The following MGAT5B variants were observed in gnomAD, a reference collection of about 807,000 sequenced individuals.
MGAT5B encodes N-acetylglucosaminyl-transferase Vb.
In MGAT5B, 54 loss-of-function variants were observed where a neutral mutation model predicts 95.1. That is an observed-to-expected ratio of 0.57 (90% CI 0.46 to 0.71). The LOEUF (loss-of-function observed/expected upper bound fraction) is 0.71. Ranked by LOEUF, MGAT5B falls within the 30% of genes least tolerant of loss-of-function variation. MGAT5B has a pLI of 0.00. For missense variants in MGAT5B, 935 were observed against 1,088.6 expected (o/e 0.86, Z 1.99); for synonymous variants, 464 against 451.0 (o/e 1.03, Z -0.36).
chr17:76,904,529 C>T, intron 6 of MGAT5B, 107 bp downstream of exon 6: 4 of 1,304,242 alleles, frequency 3.1e-6, no homozygotes, highest in Non-Finnish European at 3.1e-6. Context: ...GAGCTGCTTG[C>T]CAGGTGTGTG....
chr17:76,922,961 A>G (rs1470103558), intron 8 of MGAT5B, among the ~76,000 whole-genome samples: 1 of 152,152 alleles, frequency 6.6e-6, no homozygotes, highest in African/African-American at 2.4e-5. Flanking sequence ...GCCCAGAGAA[A>G]GCGCCTCCCC....
chr17:76,887,416 C>T (rs1203435080), intron 3 of MGAT5B, among the ~76,000 whole-genome samples: 3 of 150,144 alleles, frequency 2.0e-5, no homozygotes, highest in Middle Eastern at 3.5e-3. Flanking sequence ...ACTCAGCAGC[C>T]GCTAGGGTCT....
At chr17:76,939,445 C>A (rs1969795315) in intron 13 of MGAT5B, among the ~76,000 whole-genome samples, 1 of 152,082 alleles carries the variant, frequency 6.6e-6, no homozygotes, top group Non-Finnish European at 1.5e-5. Flanking sequence ...ACCCGGGAGG[C>A]AGAGGTTGCA....
rs773990220 is a variant in MGAT5B, at chr17:76,885,886, C to T, written c.329+3588C>T. On this transcript the variant is annotated intron_variant, in intron 3 of 17. Transcript: ENST00000569840. ...AAGAATCCTGCAGGAGTGCCTGCTGCTGCATTTCCAGAAAACTCTCAGGTG... is the reference window on the plus strand; with the variant it reads ...AAGAATCCTGCAGGAGTGCCTGCTGTTGCATTTCCAGAAAACTCTCAGGTG... Among the ~76,000 whole-genome samples the T allele has an allele frequency of 5.8e-4, 88 of 152,276 alleles. 1 individual carries two copies. The highest frequency in any genetic ancestry group is 1.0e-3 in the Admixed American group (16 of 15,296).
intron 15 of MGAT5B, among the ~76,000 whole-genome samples, chr17:76,943,761 A>G (rs1327049135): frequency 1.3e-5 from 2 of 151,990 alleles, no homozygotes; most frequent in Non-Finnish European, 2.9e-5. Flanking sequence ...ATTTTAGAAA[A>G]CAGATTTAGG....
In MGAT5B at chr17:76,930,234, G is replaced by A. The variant is rs573750063; in HGVS notation, c.1292-2411G>A. On this transcript the variant is annotated intron_variant, in intron 10 of 17. Coordinates refer to ENST00000569840, the MANE Select transcript of MGAT5B (RefSeq NM_001199172.2). The surrounding 1 kb of genome is among the most constrained non-coding windows in gnomAD (Gnocchi z 4.1). ...GCCCAAGAATCTGTGAGCTTTGGGGGCACTTACACAGGAAAGCATCATCTC... is the reference window on the plus strand; with the variant it reads ...GCCCAAGAATCTGTGAGCTTTGGGGACACTTACACAGGAAAGCATCATCTC... 5.9e-5 allele frequency among the ~76,000 whole-genome samples: 9 copies of A among 151,878 alleles called. No homozygotes were observed. Among genetic ancestry groups the A allele is most frequent in the African/African-American group, 1.7e-4 (7 of 41,318 alleles).
intron 12 of MGAT5B, 151 bp from the exon 13 acceptor site, chr17:76,937,837 G>A: frequency 1.3e-6 from 1 of 796,706 alleles, no homozygotes; most frequent in Non-Finnish European, 2.0e-6. Flanking sequence ...CCAGAGAGGG[G>A]CGGGGCCTTT....
rs1462530849 is a variant in MGAT5B at position 76,945,864 on chromosome 17, G to T, written c.1849-512G>T. The stretch of plus-strand genomic sequence containing the variant: ...AAGCCATAGTCCCCACCCTCAAGGT[G>T]TCCATAAGTTTATGAGAGACATGAC... On this transcript the variant is annotated intron_variant, in intron 15 of 17. Coordinates refer to ENST00000569840, the MANE Select transcript of MGAT5B (RefSeq NM_001199172.2). Among the ~76,000 whole-genome samples, 4 of 152,306 alleles carry T rather than the reference G, an allele frequency of 2.6e-5. No individual in the cohort carries two copies. In the East Asian group the frequency reaches 7.7e-4, roughly 29 times the overall value.
At chr17:76,923,752 A>G (rs4789375) in intron 8 of MGAT5B, 115,585 of 151,620 alleles carry the variant, frequency 0.76, 44,267 homozygotes, top group Admixed American at 0.8. Flanking sequence ...TGTGGGCAAA[A>G]GGCCTGGAAC....
At chr17:76,871,971 C>A (rs962380196) in intron 1 of MGAT5B, among the ~76,000 whole-genome samples, 1 of 152,160 alleles carries the variant, frequency 6.6e-6, no homozygotes, top group Non-Finnish European at 1.5e-5. Flanking sequence ...TCCCTGCTGT[C>A]CCCCTGGGGT....
rs1278693466 is a variant in MGAT5B at position 76,940,601 on chromosome 17, CT to C, written c.1731+54del. 2.5e-6 allele frequency: 4 copies of C among 1,585,856 alleles called. No homozygotes were observed. The Admixed American group carries it at 6.8e-5, about 27-fold the overall frequency. On this transcript the variant is annotated intron_variant, in intron 14 of 17. Coordinates refer to ENST00000569840, the MANE Select transcript of MGAT5B (RefSeq NM_001199172.2). The surrounding 1 kb of genome is among the most constrained non-coding windows in gnomAD (Gnocchi z 4.3). ...TCAGGAGGGGCCGGGACAGAGACCC[CT>C]GCAGGTCCTGGAAGAGGCAGACTGA...
chr17:76,946,053 G>A (rs1284824063), intron 15 of MGAT5B, among the ~76,000 whole-genome samples: 1 of 151,716 alleles, frequency 6.6e-6, no homozygotes, highest in Non-Finnish European at 1.5e-5. Context: ...GCTGTGGGAA[G>A]AGGAGGTGTC....
At chr17:76,928,469 G>A (rs8065199) in intron 10 of MGAT5B, among the ~76,000 whole-genome samples, 27,555 of 152,046 alleles carry the variant, frequency 0.18, 2,789 homozygotes, top group East Asian at 0.42. Context: ...CACTTTGGGA[G>A]GCTGAGGCAG....
chr17:76,904,349 G>T lies in MGAT5B; in HGVS notation c.617G>T (p.Trp206Leu), dbSNP rs377122452. ...SFLIYLSEVEWFCPPLPWRNQ... is the reference protein window; with the variant it reads ...SFLIYLSEVELFCPPLPWRNQ... The stretch of plus-strand genomic sequence containing the variant: ...CTCATCTACCTCAGTGAGGTCGAGT[G>T]GTTCTGCCCCCCGCTGCCCTGGAGG... The change falls in exon 6 of 18, where the codon TGG becomes TTG. Residue 206 changes from tryptophan to leucine, a missense_variant. Trp to Leu is a moderately conservative substitution (Grantham distance 61). Transcript: ENST00000569840. The T allele has an allele frequency of 1.4e-5, 23 of 1,596,974 alleles. No homozygotes were observed. The highest frequency in any genetic ancestry group is 1.8e-5 in the Non-Finnish European group (21 of 1,172,018).
chr17:76,895,153 C>G (rs1185053667), intron 3 of MGAT5B, among the ~76,000 whole-genome samples: 5 of 152,010 alleles, frequency 3.3e-5, no homozygotes, highest in African/African-American at 9.7e-5. Context: ...GCGTGAAAAC[C>G]CTATTGTGAA....
At position 76,869,941 on chromosome 17, in the gene MGAT5B, G is replaced by A. The variant is rs1312873197; in HGVS notation, c.68+844G>A. On this transcript the variant is annotated intron_variant, in intron 1 of 17. Coordinates refer to ENST00000569840, the MANE Select transcript of MGAT5B (RefSeq NM_001199172.2). The surrounding 1 kb of genome is among the most constrained non-coding windows in gnomAD (Gnocchi z 7.0). ...GGCATCCGCGGAACCGGCCCGCAGC[G>A]GGGTGGGGAGGGGGCGCTGCCCAGT... 6.6e-6 allele frequency among the ~76,000 whole-genome samples: 1 copy of A among 152,170 alleles called. No individual in the cohort carries two copies.
chr17:76,895,615 G>A (rs140287344), intron 3 of MGAT5B, among the ~76,000 whole-genome samples: 2 of 152,218 alleles, frequency 1.3e-5, no homozygotes, highest in Non-Finnish European at 2.9e-5. Flanking sequence ...TCTTCACATG[G>A]TGTCCTCTCT....
chr17:76,873,748 G>T (rs1378953891), intron 2 of MGAT5B, among the ~76,000 whole-genome samples: 2 of 152,200 alleles, frequency 1.3e-5, no homozygotes, highest in Admixed American at 6.5e-5. Flanking sequence ...TATCATGGGG[G>T]TTCTTTTGGT....
At chr17:76,935,804 T>C (rs1314153825) in intron 12 of MGAT5B, among the ~76,000 whole-genome samples, 3 of 142,850 alleles carry the variant, frequency 2.1e-5, no homozygotes, top group African/African-American at 7.7e-5. Flanking sequence ...ATATATATTA[T>C]ATATATTATA....
Sources: allele counts gnomAD v4.1 joint callset (sites outside exome capture counted in the v4.1 genomes callset), GRCh38; gene constraint gnomAD v4.1.1; non-coding constraint Gnocchi (gnomAD v3.1); transcripts MANE v1.5; gene names NCBI Gene and HGNC (gene_info 2026-07-23, HGNC 2026-07-21).